Variants in H2BC18 observed in about 807,000 individuals in gnomAD.
H2BC18 encodes histone H2B type 2-F.
Under a neutral mutation model 6.3 loss-of-function variants are expected in H2BC18, and 8 were observed. That is an observed-to-expected ratio of 1.28 (90% CI 0.75 to 2.31). The LOEUF (loss-of-function observed/expected upper bound fraction) is 2.31, where lower values mean the gene tolerates loss of function less well. H2BC18 is among the 30% of genes most tolerant of loss of function. The probability of loss-of-function intolerance (pLI) is 0.00; values close to 1 mark genes in which losing one functional copy is unlikely to be tolerated. For missense variants in H2BC18, 106 were observed against 174.5 expected, an observed-to-expected ratio of 0.61 and a Z score of 2.21; for synonymous variants, 104 against 78.1, an observed-to-expected ratio of 1.33 and a Z score of -1.75.
chr1:149,796,623 GC>G (rs1553752819), intron 1 of H2BC18, among the ~76,000 whole-genome samples: 1 of 152,090 alleles, frequency 6.6e-6, no homozygotes, highest in Non-Finnish European at 1.5e-5. Context: ...TCAGGATATG[GC>G]TGAATTAAAA....
intron 1 of H2BC18, among the ~76,000 whole-genome samples, chr1:149,799,358 C>G (rs2091835983): frequency 2.0e-5 from 3 of 152,222 alleles, no homozygotes. Flanking sequence ...TTAGAAATTT[C>G]TCTTTGTTCC....
chr1:149,789,318 G>A (rs1172693097), intron 1 of H2BC18, among the ~76,000 whole-genome samples: 8 of 152,062 alleles, frequency 5.3e-5, no homozygotes, highest in African/African-American at 1.7e-4. Context: ...GCATGAACCC[G>A]GGAAGCGGAG....
intron 1 of H2BC18, among the ~76,000 whole-genome samples, chr1:149,798,329 T>C (rs2101461201): frequency 6.7e-6 from 1 of 149,646 alleles, no homozygotes; most frequent in East Asian, 1.9e-4. Context: ...AATGTAACTT[T>C]CCTATTTTGA....
downstream of H2BC18, among the ~76,000 whole-genome samples, chr1:149,808,321 AG>A (rs1480376433): frequency 6.6e-6 from 1 of 152,260 alleles, no homozygotes; most frequent in African/African-American, 2.4e-5. Flanking sequence ...CACTTAGCAC[AG>A]TAGCTGGCAC....
chr1:149,790,503 TCTC>T (rs1227937622), intron 1 of H2BC18: 45 of 1,147,752 alleles, frequency 3.9e-5, no homozygotes, highest in Admixed American at 7.9e-5. Context: ...ACATCACTCT[TCTC>T]CTCGCAAACT....
downstream of H2BC18, chr1:149,811,734 G>A: frequency 1.5e-6 from 1 of 678,600 alleles, no homozygotes; most frequent in Non-Finnish European, 2.5e-6. Context: ...ACTGGACGGG[G>A]ATGACTGAGG....
intron 1 of H2BC18, among the ~76,000 whole-genome samples, chr1:149,788,955 C>T (rs1277734437): frequency 6.6e-6 from 1 of 151,766 alleles, no homozygotes; most frequent in African/African-American, 2.4e-5. Flanking sequence ...GAAAATAATA[C>T]CATGGAATCT....
intron 1 of H2BC18, chr1:149,804,082 CT>C (rs1471209621): frequency 1.3e-5 from 2 of 152,142 alleles, no homozygotes. Flanking sequence ...CTTCTTTTGG[CT>C]GTAAGTCTTG....
At chr1:149,811,073 G>C (rs1553754387), downstream of H2BC18, 1 of 152,262 alleles carries the variant, frequency 6.6e-6, no homozygotes. Flanking sequence ...TGGGCTGATA[G>C]GGTTAAGGAA....
chr1:149,790,930 A>G (rs1190558023), intron 1 of H2BC18, among the ~76,000 whole-genome samples: 11 of 151,910 alleles, frequency 7.2e-5, no homozygotes, highest in Non-Finnish European at 1.2e-4. Context: ...GGGGGAAAAA[A>G]GTTCATCTTC....
At chr1:149,811,779 G>T, downstream of H2BC18, 1 of 690,578 alleles carries the variant, frequency 1.4e-6, no homozygotes, top group South Asian at 1.9e-5. Flanking sequence ...AAACTCCTTA[G>T]TCCTAAACCC....
intron 1 of H2BC18, chr1:149,805,702 A>G (rs1390252820): frequency 1.3e-5 from 2 of 152,148 alleles, no homozygotes; most frequent in East Asian, 3.8e-4. Flanking sequence ...ATAGATATTG[A>G]GTGCCTAATG....
chr1:149,793,130 G>T, intron 1 of H2BC18: 1 of 1,274,732 alleles, frequency 7.8e-7, no homozygotes, highest in Non-Finnish European at 1.0e-6. Flanking sequence ...GGTGCGCCCG[G>T]CCGAGCCTCC....
intron 1 of H2BC18, among the ~76,000 whole-genome samples, chr1:149,806,771 GC>G (rs1366638082): frequency 6.6e-6 from 1 of 152,208 alleles, no homozygotes; most frequent in Non-Finnish European, 1.5e-5. Flanking sequence ...CTAGGGATGA[GC>G]CTTTGAGAAA....
At chr1:149,785,505 C>A (rs1236034562) in intron 1 of H2BC18, among the ~76,000 whole-genome samples, 1 of 140,802 alleles carries the variant, frequency 7.1e-6, no homozygotes, top group African/African-American at 2.6e-5. Flanking sequence ...CAACCTCTGA[C>A]AGAGCTGTTT....
intron 1 of H2BC18, among the ~76,000 whole-genome samples, chr1:149,784,665 A>G (rs2091492144): frequency 2.0e-5 from 3 of 146,886 alleles, no homozygotes; most frequent in African/African-American, 7.5e-5. Context: ...CATATTATGC[A>G]TATATATGTA....
intron 1 of H2BC18, among the ~76,000 whole-genome samples, chr1:149,806,344 G>A (rs587763155): frequency 6.6e-6 from 1 of 152,304 alleles, no homozygotes; most frequent in Non-Finnish European, 1.5e-5. Flanking sequence ...TATAATCCCA[G>A]CACTTTGGGA....
chr1:149,792,590 G>C, intron 1 of H2BC18: 2 of 1,202,734 alleles, frequency 1.7e-6, no homozygotes, highest in Non-Finnish European at 2.1e-6. Flanking sequence ...CTCCGAGCGT[G>C]TCCCGCGGCG....
chr1:149,800,723 C>T (rs1167202587), intron 1 of H2BC18, among the ~76,000 whole-genome samples: 2 of 146,528 alleles, frequency 1.4e-5, no homozygotes, highest in Admixed American at 1.4e-4. Flanking sequence ...GATGTGGGAG[C>T]GCCCAGTTAC....
Sources: gnomAD v4.1 joint callset for allele counts (sites outside exome capture counted in the v4.1 genomes callset) on GRCh38, gnomAD v4.1.1 for gene constraint, MANE v1.5 for transcripts, NCBI Gene and HGNC (gene_info 2026-07-23, HGNC 2026-07-21) for gene names.